Variants in CBLN2 observed in about 807,000 individuals in gnomAD.
CBLN2 encodes cerebellin-2.
CBLN2 carries 7 observed loss-of-function variants against 15.0 expected under a neutral mutation model. The observed-to-expected ratio is 0.47, with a 90% CI of 0.27 to 0.88. CBLN2 has a LOEUF of 0.88. CBLN2 is among the 40% of genes least tolerant of loss of function. The pLI, the probability that CBLN2 is intolerant of heterozygous loss-of-function variation, is 0.14. For synonymous variants in CBLN2, 149 were observed against 135.2 expected (o/e 1.10, Z -0.71); for missense variants, 242 against 304.5 (o/e 0.79, Z 1.53).
In CBLN2 at chr18:72,538,698, G is replaced by A. The variant is rs376595749; in HGVS notation, c.432C>T (p.Ser144=). 1.2e-6 allele frequency: 2 copies of A among 1,614,088 alleles called. No homozygotes were observed. Among genetic ancestry groups the A allele is most frequent in the Non-Finnish European group, 1.7e-6 (2 of 1,180,012 alleles). Residue 144 remains serine, a synonymous_variant, in exon 4 of 5, where the codon AGC becomes AGT. Transcript: ENST00000269503. ...IFVAPRKGIY[S]FSFHVVKVYN... Reference sequence around the variant, plus strand: ...ACACTTTGACCACGTGGAAGCTGAAGCTATAAATCCCTTTTCTCGGTGCTA... The same window carrying A: ...ACACTTTGACCACGTGGAAGCTGAAACTATAAATCCCTTTTCTCGGTGCTA...
intron 3 of CBLN2, chr18:72,540,137 G>A (rs565926804): frequency 1.3e-5 from 2 of 152,278 alleles, no homozygotes; most frequent in South Asian, 4.2e-4. Context: ...AGTCTCACAA[G>A]GCTATGCTCG....
At chr18:72,592,666 T>C (rs1423443386) in intron 1 of CBLN2, among the ~76,000 whole-genome samples, 2 of 152,190 alleles carry the variant, frequency 1.3e-5, no homozygotes, top group South Asian at 2.1e-4. Context: ...ATTTGATTTT[T>C]GTATATGGTG....
At chr18:72,636,098 C>G (rs1175632197) in intron 1 of CBLN2, among the ~76,000 whole-genome samples, 2 of 152,058 alleles carry the variant, frequency 1.3e-5, no homozygotes, top group Admixed American at 6.5e-5. Flanking sequence ...GTCAAAAATA[C>G]CCAGTGATAT....
At chr18:72,538,592 C>T (rs75312690) in intron 4 of CBLN2, 61 bp downstream of exon 4, 716 of 1,601,864 alleles carry the variant, frequency 4.5e-4, no homozygotes, top group African/African-American at 1.6e-3. Flanking sequence ...GGTGAAGGGG[C>T]CTTTAGCAAT....
At chr18:72,617,570 C>A (rs2069670439) in intron 1 of CBLN2, among the ~76,000 whole-genome samples, 3 of 152,070 alleles carry the variant, frequency 2.0e-5, no homozygotes, top group Non-Finnish European at 2.9e-5. Flanking sequence ...AATTACTAAA[C>A]ATAATTTTAA....
intron 1 of CBLN2, among the ~76,000 whole-genome samples, chr18:72,599,951 C>CCCA: frequency 6.6e-6 from 1 of 152,116 alleles, no homozygotes; most frequent in Non-Finnish European, 1.5e-5. Flanking sequence ...CTATGGGAAG[C>CCCA]TTGGAGAGTG....
chr18:72,601,257 G>T (rs1398612042), intron 1 of CBLN2, among the ~76,000 whole-genome samples: 2 of 152,178 alleles, frequency 1.3e-5, no homozygotes, highest in African/African-American at 4.8e-5. Flanking sequence ...ACCAAGGACA[G>T]CTTGGAGGTC....
At chr18:72,556,918 A>T (rs1291107529) in intron 1 of CBLN2, among the ~76,000 whole-genome samples, 3 of 152,152 alleles carry the variant, frequency 2.0e-5, no homozygotes, top group Non-Finnish European at 4.4e-5. Flanking sequence ...AAAGAACCAA[A>T]TTATATGCAG....
chr18:72,627,462 T>G (rs1336581886), intron 1 of CBLN2, among the ~76,000 whole-genome samples: 1 of 152,250 alleles, frequency 6.6e-6, no homozygotes, highest in Non-Finnish European at 1.5e-5. Flanking sequence ...AATAGGACTA[T>G]GCGTTGCTCA....
intron 1 of CBLN2, among the ~76,000 whole-genome samples, chr18:72,549,695 C>T (rs1024499592): frequency 6.6e-6 from 1 of 152,046 alleles, no homozygotes; most frequent in Non-Finnish European, 1.5e-5. Context: ...CTGTCTAAAA[C>T]CCAATTTGGG....
intron 1 of CBLN2, among the ~76,000 whole-genome samples, chr18:72,629,087 T>A (rs909228183): frequency 6.6e-6 from 1 of 152,168 alleles, no homozygotes. Flanking sequence ...ACTAAGCTGT[T>A]CCAGTCCCAG....
intron 1 of CBLN2, among the ~76,000 whole-genome samples, chr18:72,611,565 T>C (rs2069622627): frequency 6.6e-6 from 1 of 152,222 alleles, no homozygotes; most frequent in African/African-American, 2.4e-5. Context: ...TCTGTTCATG[T>C]CTTTTGCCTG....
At chr18:72,544,971 G>T (rs2144873629), upstream of CBLN2, among the ~76,000 whole-genome samples, 1 of 65,688 alleles carries the variant, frequency 1.5e-5, no homozygotes, top group East Asian at 4.7e-4. Flanking sequence ...TTTTCTGATA[G>T]GCTAATAATA....
chr18:72,599,332 AC>A (rs1479233165), intron 1 of CBLN2, among the ~76,000 whole-genome samples: 2 of 152,210 alleles, frequency 1.3e-5, no homozygotes, highest in African/African-American at 4.8e-5. Context: ...TGGAGTTAAA[AC>A]TTTTCAACAG....
At chr18:72,595,075 G>A (rs899436983) in intron 1 of CBLN2, among the ~76,000 whole-genome samples, 1 of 147,370 alleles carries the variant, frequency 6.8e-6, no homozygotes, top group African/African-American at 2.5e-5. Context: ...TACTAATTTT[G>A]GGTTTGGTTT....
At chr18:72,631,769 A>G (rs2069778446) in intron 1 of CBLN2, among the ~76,000 whole-genome samples, 1 of 152,154 alleles carries the variant, frequency 6.6e-6, no homozygotes, top group Non-Finnish European at 1.5e-5. Context: ...AGCTGCAAAA[A>G]TTCATCTGAA....
Position 72,538,226 on chromosome 18 carries a change from C to A in CBLN2, c.625G>T (p.Gly209Trp), listed in dbSNP as rs1328076518. ...GAGAATGTGGAGTATTTCCAGCCCC[C>A]CATGAGGTTGCCTCTCTCAAGTTTG... ...HLKLERGNLM[G>W]GWKYSTFSGF... The change falls in exon 5 of 5, where the codon GGG (glycine) becomes TGG (tryptophan). Residue 209 changes from glycine to tryptophan, a missense_variant. Gly to Trp is a radical substitution (Grantham distance 184). Around this residue, in one of 4 missense-constraint regions of CBLN2, gnomAD observed 31 missense variants for 36.3 expected, o/e 0.86. Coordinates refer to ENST00000269503, the MANE Select transcript of CBLN2 (RefSeq NM_182511.4). The A allele has an allele frequency of 6.2e-7, 1 of 1,614,102 alleles. No homozygotes were observed. Among genetic ancestry groups the A allele is most frequent in the African/African-American group, 1.3e-5 (1 of 75,006 alleles).
chr18:72,568,724 C>A (rs879449295), intron 1 of CBLN2, among the ~76,000 whole-genome samples: 1 of 152,086 alleles, frequency 6.6e-6, no homozygotes, highest in African/African-American at 2.4e-5. Context: ...TTGTGCATCC[C>A]TGTAAGACTC....
chr18:72,558,333 C>T (rs2069239469), intron 1 of CBLN2, among the ~76,000 whole-genome samples: 1 of 152,182 alleles, frequency 6.6e-6, no homozygotes, highest in African/African-American at 2.4e-5. Context: ...TGTCACACAT[C>T]ATAGCTAGGA....
Sources: allele counts gnomAD v4.1 joint callset (sites outside exome capture counted in the v4.1 genomes callset), GRCh38; gene constraint gnomAD v4.1.1; regional missense constraint gnomAD v4.1.1; transcripts MANE v1.5; gene names NCBI Gene and HGNC (gene_info 2026-07-23, HGNC 2026-07-21).